Variants in ZNF292 observed in about 807,000 individuals in gnomAD.
ZNF292 encodes the protein 16 zinc-finger domain protein.
A neutral mutation model predicts 217.9 loss-of-function variants in ZNF292; 26 were observed. The ratio of observed to expected loss-of-function variants is 0.12; its 90% CI spans 0.09 to 0.17. The LOEUF (loss-of-function observed/expected upper bound fraction) is 0.17. Among genes scored for constraint, ZNF292 ranks in the 10% least tolerant of loss-of-function variants. The probability of loss-of-function intolerance (pLI) is 1.00; values close to 1 mark genes in which losing one functional copy is unlikely to be tolerated. For synonymous variants in ZNF292, 1,257 were observed against 1,124.1 expected (o/e 1.12, Z -2.37); for missense variants, 2,904 against 3,175.2 (o/e 0.91, Z 2.05).
At chr6:87,163,495 A>G (rs370858363) in intron 1 of ZNF292, among the ~76,000 whole-genome samples, 21 of 152,178 alleles carry the variant, frequency 1.4e-4, no homozygotes, top group African/African-American at 5.1e-4. Flanking sequence ...TTAGTTACAT[A>G]TATCTTTTGA....
intron 4 of ZNF292, among the ~76,000 whole-genome samples, chr6:87,224,761 T>G (rs1009927231): frequency 3.9e-5 from 6 of 152,168 alleles, no homozygotes; most frequent in African/African-American, 1.4e-4. Context: ...GGTACAGCCA[T>G]GTAATGGATG....
chr6:87,239,623 C>T (rs1162592758), intron 5 of ZNF292, among the ~76,000 whole-genome samples: 1 of 148,022 alleles, frequency 6.8e-6, no homozygotes, highest in Non-Finnish European at 1.5e-5. Context: ...GGGCTCCTCA[C>T]TTCTCAGACG....
chr6:87,168,535 T>C (rs1482148199), intron 1 of ZNF292, among the ~76,000 whole-genome samples: 1 of 152,230 alleles, frequency 6.6e-6, no homozygotes, highest in Non-Finnish European at 1.5e-5. Flanking sequence ...AGTGACATGA[T>C]CTTAGCTCAC....
chr6:87,261,173 A>G lies in ZNF292; in HGVS notation c.7544A>G (p.Gln2515Arg), dbSNP rs1422605894. ...NTSSNVSNDF[Q>R]EDNLCQSERQ... ...TCTTCAAATGTAAGTAATGATTTTC[A>G]GGAAGATAACCTCTGCCAGTCAGAA... Residue 2515 changes from glutamine to arginine, a missense_variant, in exon 8 of 8, where the codon CAG becomes CGG. By Grantham distance (43) the Gln-to-Arg change is conservative. Around this residue, in one of 15 missense-constraint regions of ZNF292, gnomAD observed 380 missense variants for 355.3 expected, o/e 1.07. Transcript: ENST00000369577. The G allele has an allele frequency of 1.9e-6, 3 of 1,613,220 alleles. No homozygotes were observed. Among genetic ancestry groups the G allele is most frequent in the Non-Finnish European group, 2.5e-6 (3 of 1,179,584 alleles).
At chr6:87,207,129 C>T (rs1772281050) in intron 1 of ZNF292, among the ~76,000 whole-genome samples, 2 of 152,214 alleles carry the variant, frequency 1.3e-5, no homozygotes, top group Non-Finnish European at 2.9e-5. Context: ...CGTATTCTAA[C>T]AGCTCAGTTC....
chr6:87,238,724 C>T (rs1457057773), intron 5 of ZNF292, among the ~76,000 whole-genome samples: 1 of 143,790 alleles, frequency 7.0e-6, no homozygotes, highest in Non-Finnish European at 1.5e-5. Flanking sequence ...GGGTGTTTCT[C>T]GCAGAGGGGC....
intron 3 of ZNF292, among the ~76,000 whole-genome samples, chr6:87,216,814 A>G (rs1467198363): frequency 6.6e-6 from 1 of 152,020 alleles, no homozygotes; most frequent in Admixed American, 6.6e-5. Flanking sequence ...TATATGCCCA[A>G]ACTTGTCTAG....
rs1280863761 is a variant in ZNF292 at position 87,262,476 on chromosome 6, A to G, written c.*675A>G. 2.6e-5 allele frequency: 4 copies of G among 151,864 alleles called. No individual in the cohort carries two copies. Among genetic ancestry groups the G allele is most frequent in the African/African-American group, 9.7e-5 (4 of 41,374 alleles). 9.4% of individuals were successfully genotyped at this position (151,864 alleles called of 1,614,324 possible). A position where few individuals can be genotyped will look rare whatever the true frequency, so the allele number is the denominator to read the frequency against. ...TTTGGGGTGGTATTCATGTGAAATT[A>G]AAGCAGATTCTCTAGCAGTTTCCTA... On this transcript the variant is annotated 3_prime_UTR_variant, in exon 8 of 8. Transcript: ENST00000369577.
At chr6:87,215,542 A>G (rs374976413) in intron 1 of ZNF292, among the ~76,000 whole-genome samples, 1 of 152,132 alleles carries the variant, frequency 6.6e-6, no homozygotes, top group Non-Finnish European at 1.5e-5. Context: ...TAGAAAACAG[A>G]TATTATTTCA....
At position 87,256,180 on chromosome 6, in the gene ZNF292, T is replaced by C; in HGVS notation, c.2551T>C (p.Ser851Pro). 1 of 1,613,854 alleles carries C rather than the reference T, an allele frequency of 6.2e-7. No homozygotes were observed. Among genetic ancestry groups the C allele is most frequent in the Non-Finnish European group, 8.5e-7 (1 of 1,179,846 alleles). Residue 851 changes from serine (S) to proline (P), a missense_variant, in exon 8 of 8, where the codon TCC becomes CCC. Physicochemically the swap from Ser to Pro is moderately conservative, Grantham distance 74 (BLOSUM62 -1). Transcript: ENST00000369577. ...PEAQLNSSGD[S>P]IQPSEVNQNT... ...AGCCCAACTTAATTCATCTGGAGAT[T>C]CCATTCAGCCTTCTGAAGTGAATCA...
intron 7 of ZNF292, among the ~76,000 whole-genome samples, chr6:87,246,883 G>C (rs1774616135): frequency 6.6e-6 from 1 of 152,016 alleles, no homozygotes; most frequent in Non-Finnish European, 1.5e-5. Context: ...GGACGGACAT[G>C]GTGGCTCACG....
intron 1 of ZNF292, among the ~76,000 whole-genome samples, chr6:87,175,565 C>G (rs1339425520): frequency 1.3e-5 from 2 of 152,132 alleles, no homozygotes; most frequent in African/African-American, 2.4e-5. Context: ...TCTTGAACTC[C>G]TGGCCTCAGG....
chr6:87,261,461 A>G lies in ZNF292; in HGVS notation c.7832A>G (p.Asp2611Gly). ...ESAVKQKKNTDKDHPNTGNKK... is the reference protein window; with the variant it reads ...ESAVKQKKNTGKDHPNTGNKK... ...GCAGTGAAGCAGAAGAAAAATACTG[A>G]CAAAGACCATCCGAATACTGGAAAC... is the stretch of plus-strand genomic sequence containing the variant. Residue 2611 changes from aspartate (D) to glycine (G), a missense_variant, in exon 8 of 8, where the codon GAC becomes GGC. Asp to Gly is a moderately conservative substitution (Grantham distance 94). Around this residue, in one of 15 missense-constraint regions of ZNF292, gnomAD observed 380 missense variants for 355.3 expected, o/e 1.07. Coordinates refer to ENST00000369577, the MANE Select transcript of ZNF292 (RefSeq NM_015021.3). 1 of 1,605,732 alleles carries G rather than the reference A, an allele frequency of 6.2e-7. No individual in the cohort carries two copies. Among genetic ancestry groups the G allele is most frequent in the Non-Finnish European group, 8.5e-7 (1 of 1,175,554 alleles).
At chr6:87,208,095 A>G (rs924131115) in intron 1 of ZNF292, among the ~76,000 whole-genome samples, 1 of 152,310 alleles carries the variant, frequency 6.6e-6, no homozygotes, top group African/African-American at 2.4e-5. Context: ...TAGTTTCCCC[A>G]TAGCTTTTAA....
Position 87,261,288 on chromosome 6 carries a change from A to G in ZNF292, c.7659A>G (p.Ala2553=), listed in dbSNP as rs368720934. The G allele has an allele frequency of 3.1e-6, 5 of 1,613,260 alleles. No individual in the cohort carries two copies. Among genetic ancestry groups the G allele is most frequent in the South Asian group, 1.1e-5 (1 of 90,930 alleles). Residue 2553 remains alanine (A), a synonymous_variant, in exon 8 of 8, where the codon GCA becomes GCG. Transcript: ENST00000369577. ...GGAAAGTTGAAAAAGCTGAACCAGCATCAGCAGCTGAGTTAAGTAGCGTGC... is the reference window on the plus strand; with the variant it reads ...GGAAAGTTGAAAAAGCTGAACCAGCGTCAGCAGCTGAGTTAAGTAGCGTGC... ...KKRKVEKAEP[A]SAAELSSVRK... is the part of the protein sequence containing the mutation.
At chr6:87,172,470 G>A (rs552222693) in intron 1 of ZNF292, among the ~76,000 whole-genome samples, 1 of 152,266 alleles carries the variant, frequency 6.6e-6, no homozygotes, top group Non-Finnish European at 1.5e-5. Context: ...GTCAGTGAGT[G>A]GCGTGGTTCA....
intron 5 of ZNF292, among the ~76,000 whole-genome samples, chr6:87,236,649 C>T (rs1364038841): frequency 6.6e-6 from 1 of 151,976 alleles, no homozygotes; most frequent in Non-Finnish European, 1.5e-5. Flanking sequence ...GTCTCATTTC[C>T]CTAATTAATA....
chr6:87,159,889 C>A (rs1770674561), intron 1 of ZNF292, among the ~76,000 whole-genome samples: 1 of 152,200 alleles, frequency 6.6e-6, no homozygotes, highest in Admixed American at 6.5e-5. Flanking sequence ...ATATAACCAA[C>A]TCATTTTCTT....
In ZNF292 at chr6:87,258,923, C is replaced by T; in HGVS notation, c.5294C>T (p.Ala1765Val). Residue 1765 changes from alanine (A) to valine (V), a missense_variant, in exon 8 of 8, where the codon GCT (alanine) becomes GTT (valine). Coordinates refer to ENST00000369577, the MANE Select transcript of ZNF292 (RefSeq NM_015021.3). Reference protein sequence around the residue: ...FEKTLEIIKTAMNSQILEVKS... With the variant: ...FEKTLEIIKTVMNSQILEVKS... ...AAGACTCTTGAAATTATTAAAACTG[C>T]TATGAATTCTCAAATACTTGAGGTA... 1 of 1,609,856 alleles carries T rather than the reference C, an allele frequency of 6.2e-7. No individual in the cohort carries two copies.
Sources: gnomAD v4.1 joint callset for allele counts (sites outside exome capture counted in the v4.1 genomes callset) on GRCh38, gnomAD v4.1.1 for gene constraint, gnomAD v4.1.1 regional missense constraint, MANE v1.5 for transcripts, NCBI Gene and HGNC (gene_info 2026-07-23, HGNC 2026-07-21) for gene names.